The following PLEKHA2 variants were observed in gnomAD, a reference collection of about 807,000 sequenced individuals.
PLEKHA2 encodes the protein pleckstrin homology domain containing A2.
Under a neutral mutation model 53.2 loss-of-function variants are expected in PLEKHA2, and 28 were observed. The observed-to-expected ratio is 0.53, with a 90% confidence interval of 0.39 to 0.72. The LOEUF is 0.72. PLEKHA2 is among the 30% of genes least tolerant of loss of function. The pLI is 0.00. For missense variants in PLEKHA2, 426 were observed against 537.9 expected (o/e 0.79, Z 2.06); for synonymous variants, 193 against 196.4 (o/e 0.98, Z 0.14).
intron 9 of PLEKHA2, among the ~76,000 whole-genome samples, chr8:38,955,873 C>T (rs939829183): frequency 6.6e-6 from 1 of 152,188 alleles, no homozygotes; most frequent in Admixed American, 6.5e-5. Flanking sequence ...GATTGGAGTG[C>T]AATCTCAGTT....
At chr8:38,944,943 G>A (rs573076416) in intron 4 of PLEKHA2, among the ~76,000 whole-genome samples, 133 of 152,268 alleles carry the variant, frequency 8.7e-4, no homozygotes, top group African/African-American at 3.2e-3. Flanking sequence ...GTTGTGCTCA[G>A]AAAAGATGGA....
At chr8:38,927,755 C>A (rs762667866) in intron 2 of PLEKHA2, among the ~76,000 whole-genome samples, 9 of 152,132 alleles carry the variant, frequency 5.9e-5, no homozygotes, top group Non-Finnish European at 1.3e-4. Context: ...GACATTGTTG[C>A]TGTGAAGAGT....
intron 8 of PLEKHA2, 118 bp downstream of exon 8, chr8:38,952,822 G>A (rs189569674): frequency 7.6e-5 from 79 of 1,035,252 alleles, no homozygotes; most frequent in Non-Finnish European, 1.1e-4. Flanking sequence ...CTTCAAAGGC[G>A]CCTCTGTCTT....
chr8:38,950,556 A>C (rs1380994450), intron 5 of PLEKHA2: 2 of 273,442 alleles, frequency 7.3e-6, no homozygotes, highest in Non-Finnish European at 1.4e-5. Context: ...GAAGGTGGGG[A>C]CCCACGTGTG....
rs989465731 is a variant in PLEKHA2 at position 38,917,843 on chromosome 8, C to T, written c.-23-64C>T. On this transcript the variant is annotated intron_variant, in intron 1 of 11. Coordinates refer to ENST00000617275, the MANE Select transcript of PLEKHA2 (RefSeq NM_021623.2). ...TCAGCCCAGCTTCTGGAAAAGATTC[C>T]TGCAGGTCCTGAGGCAGAGCTGCTT... is the stretch of plus-strand genomic sequence containing the variant. 18 of 1,531,410 alleles carry T rather than the reference C, an allele frequency of 1.2e-5. No homozygotes were observed. The African/African-American group carries it at 2.3e-4, about 20-fold the overall frequency. 94.9% of individuals were successfully genotyped at this position (1,531,410 alleles called of 1,614,324 possible). A position where few individuals can be genotyped will look rare whatever the true frequency, so the allele number is the denominator to read the frequency against.
At position 38,922,665 on chromosome 8, in the gene PLEKHA2, C is replaced by T. The variant is rs913772319; in HGVS notation, c.141+4595C>T. Among the ~76,000 whole-genome samples, 2 of 152,190 alleles carry T rather than the reference C, an allele frequency of 1.3e-5. No individual in the cohort carries two copies. Among genetic ancestry groups the T allele is most frequent in the Non-Finnish European group, 2.9e-5 (2 of 68,024 alleles). On this transcript the variant is annotated intron_variant, in intron 2 of 11. Transcript: ENST00000617275. The surrounding 1 kb of genome is among the most constrained non-coding windows in gnomAD (Gnocchi z 4.0). ...GTCTCCGATCTTTGTGTGTTGAAGC[C>T]ACCTGGTAGGTGGTGTTCACTGAGC...
chr8:38,947,448 C>A (rs1834735772), intron 5 of PLEKHA2, among the ~76,000 whole-genome samples: 2 of 151,698 alleles, frequency 1.3e-5, no homozygotes, highest in Admixed American at 1.3e-4. Context: ...GAAACTCCAC[C>A]TCAAAAAAAA....
Position 38,952,699 on chromosome 8 carries a change from G to A in PLEKHA2, c.697G>A (p.Glu233Lys). 2 of 1,612,196 alleles carry A rather than the reference G, an allele frequency of 1.2e-6. No homozygotes were observed. The highest frequency in any genetic ancestry group is 1.1e-5 in the South Asian group (1 of 91,050). Residue 233 changes from glutamate (E) to lysine (K), a missense_variant, in exon 8 of 12, where the codon GAG becomes AAG. Glu to Lys is a moderately conservative substitution (Grantham distance 56). Coordinates refer to ENST00000617275, the MANE Select transcript of PLEKHA2 (RefSeq NM_021623.2). ...DDFTICYFKC[E>K]QDREPLRTIF... ...CTTTACCATCTGCTACTTCAAGTGTGAGCAGGTTTGTAGTAGCTTTGCTGC... is the reference window on the plus strand; with the variant it reads ...CTTTACCATCTGCTACTTCAAGTGTAAGCAGGTTTGTAGTAGCTTTGCTGC...
chr8:38,960,398 G>C (rs907582913), intron 10 of PLEKHA2, among the ~76,000 whole-genome samples: 17 of 152,270 alleles, frequency 1.1e-4, no homozygotes, highest in Admixed American at 7.8e-4. Flanking sequence ...AGGAGAGTTT[G>C]AGCCCTGGAG....
chr8:38,919,625 A>G (rs540241793), intron 2 of PLEKHA2, among the ~76,000 whole-genome samples: 1 of 152,370 alleles, frequency 6.6e-6, no homozygotes, highest in East Asian at 1.9e-4. Context: ...TCTCTAGGTC[A>G]CTGTCCAGGG....
chr8:38,961,469 G>A (rs529740925), intron 10 of PLEKHA2, among the ~76,000 whole-genome samples: 7 of 150,918 alleles, frequency 4.6e-5, no homozygotes, highest in Admixed American at 3.3e-4. Flanking sequence ...CCCAGGGGGC[G>A]GAGGTTGCAG....
At chr8:38,956,652 T>C (rs531092750) in intron 9 of PLEKHA2, among the ~76,000 whole-genome samples, 6 of 152,078 alleles carry the variant, frequency 3.9e-5, no homozygotes, top group Admixed American at 2.6e-4. Context: ...ATATAAAAAT[T>C]AGCCAGGAGT....
intron 10 of PLEKHA2, among the ~76,000 whole-genome samples, chr8:38,964,122 T>G (rs1320447164): frequency 6.6e-6 from 1 of 152,216 alleles, no homozygotes; most frequent in African/African-American, 2.4e-5. Context: ...ATTCTTTAAT[T>G]TAGTAATTGC....
chr8:38,914,264 G>T (rs1190392315), intron 1 of PLEKHA2, among the ~76,000 whole-genome samples: 3 of 152,234 alleles, frequency 2.0e-5, no homozygotes, highest in Admixed American at 1.3e-4. Context: ...GGATTCACCA[G>T]TCACTGGTAT....
At chr8:38,966,540 G>T (rs527447353) in intron 10 of PLEKHA2, among the ~76,000 whole-genome samples, 67 of 152,296 alleles carry the variant, frequency 4.4e-4, no homozygotes, top group Non-Finnish European at 8.1e-4. Flanking sequence ...GCCAGCGTTT[G>T]CTCTGTTCAC....
At chr8:38,947,113 T>C (rs947519438) in intron 5 of PLEKHA2, among the ~76,000 whole-genome samples, 2 of 152,130 alleles carry the variant, frequency 1.3e-5, no homozygotes, top group East Asian at 1.9e-4. Flanking sequence ...TATAAGCACT[T>C]TTGCTGATTA....
Position 38,970,875 on chromosome 8 carries a change from T to C in PLEKHA2, c.*1092T>C, listed in dbSNP as rs1467834158. The stretch of plus-strand genomic sequence containing the variant: ...TTCCATTTGATAAGAAGATGCTATT[T>C]CCAGTGTCCCTGGGAGAATTCTTCC... On this transcript the variant is annotated 3_prime_UTR_variant, in exon 12 of 12. Transcript: ENST00000617275. The C allele has an allele frequency of 6.6e-6, 1 of 152,232 alleles. No individual in the cohort carries two copies. Among genetic ancestry groups the C allele is most frequent in the African/African-American group, 2.4e-5 (1 of 41,458 alleles). 9.4% of individuals were successfully genotyped at this position (152,232 alleles called of 1,614,324 possible).
intron 10 of PLEKHA2, among the ~76,000 whole-genome samples, chr8:38,960,308 A>C (rs956325314): frequency 3.3e-5 from 5 of 152,190 alleles, no homozygotes; most frequent in African/African-American, 1.2e-4. Context: ...ATATTTATCA[A>C]TTCATTAAAA....
Position 38,918,015 on chromosome 8 carries a change from A to G in PLEKHA2, c.86A>G (p.Tyr29Cys). 6.2e-7 allele frequency: 1 copy of G among 1,613,568 alleles called. No homozygotes were observed. The highest frequency in any genetic ancestry group is 8.5e-7 in the Non-Finnish European group (1 of 1,179,654). ...AACAGCGGCAAGTTTCTGCGGAGGT[A>G]CTTCATTCTGGACACCCAGGCTAAC... ...HENSGKFLRR[Y>C]FILDTQANCL... Residue 29 changes from tyrosine (Y) to cysteine (C), a missense_variant, in exon 2 of 12, where the codon TAC becomes TGC. Coordinates refer to ENST00000617275, the MANE Select transcript of PLEKHA2 (RefSeq NM_021623.2).
Sources: allele counts gnomAD v4.1 joint callset (sites outside exome capture counted in the v4.1 genomes callset), GRCh38; gene constraint gnomAD v4.1.1; non-coding constraint Gnocchi (gnomAD v3.1); transcripts MANE v1.5; gene names NCBI Gene and HGNC (gene_info 2026-07-23, HGNC 2026-07-21).